The following KSR2 variants were observed in gnomAD, a reference collection of about 807,000 sequenced individuals.
KSR2 encodes the protein kinase suppressor of ras 2.
A neutral mutation model predicts 107.8 loss-of-function variants in KSR2; 25 were observed. The ratio of observed to expected loss-of-function variants is 0.23; its 90% CI spans 0.17 to 0.32. The LOEUF (loss-of-function observed/expected upper bound fraction) is 0.32, where lower values mean the gene tolerates loss of function less well. KSR2 is among the 10% of genes least tolerant of loss of function. The probability of loss-of-function intolerance (pLI) is 1.00; values close to 1 mark genes in which losing one functional copy is unlikely to be tolerated. For missense variants in KSR2, 887 were observed against 1,268.9 expected (o/e 0.70, Z 4.57); for synonymous variants, 480 against 507.0 (o/e 0.95, Z 0.71).
At chr12:117,595,525 C>T (rs573877073) in intron 5 of KSR2, among the ~76,000 whole-genome samples, 10 of 152,002 alleles carry the variant, frequency 6.6e-5, no homozygotes, top group Admixed American at 1.3e-4. Flanking sequence ...CCACCGCGCC[C>T]GGCTAATTTT....
At chr12:117,619,921 G>T (rs956762703) in intron 5 of KSR2, among the ~76,000 whole-genome samples, 2 of 151,966 alleles carry the variant, frequency 1.3e-5, no homozygotes, top group African/African-American at 4.8e-5. Flanking sequence ...TCCCCAAGAA[G>T]ACACTTTGCA....
intron 3 of KSR2, among the ~76,000 whole-genome samples, chr12:117,824,792 G>A (rs1326206088): frequency 2.0e-5 from 3 of 149,972 alleles, no homozygotes; most frequent in African/African-American, 4.9e-5. Context: ...GGGAGGCGGC[G>A]CTTGCAGTGA....
At chr12:117,941,447 T>C (rs1896002264) in intron 1 of KSR2, among the ~76,000 whole-genome samples, 1 of 152,130 alleles carries the variant, frequency 6.6e-6, no homozygotes, top group South Asian at 2.1e-4. Context: ...ACTCAAAGTG[T>C]ACATTTTTTT....
intron 9 of KSR2, among the ~76,000 whole-genome samples, chr12:117,546,750 T>A (rs1469715389): frequency 6.6e-6 from 1 of 152,248 alleles, no homozygotes; most frequent in Admixed American, 6.5e-5. Flanking sequence ...AACTTGTTAT[T>A]GAGTCCATCC....
Position 117,654,564 on chromosome 12 carries a change from G to A in KSR2, c.1171+12910C>T, listed in dbSNP as rs914021517. Among the ~76,000 whole-genome samples the A allele has an allele frequency of 6.6e-5, 10 of 152,192 alleles. No homozygotes were observed. In the East Asian group the frequency reaches 1.9e-3, roughly 29 times the overall value. ...CCCAGTGGGCAGAACTTCGAGCAGT[G>A]CACCTGGTTGTGGACTTTGCCTGGA... is the stretch of plus-strand genomic sequence containing the variant. On this transcript the variant is annotated intron_variant, in intron 5 of 19. Transcript: ENST00000339824.
At chr12:117,618,548 T>C (rs539361557) in intron 5 of KSR2, among the ~76,000 whole-genome samples, 1 of 152,266 alleles carries the variant, frequency 6.6e-6, no homozygotes, top group East Asian at 1.9e-4. Flanking sequence ...AATCTCATCT[T>C]GAATTGTAGC....
intron 6 of KSR2, among the ~76,000 whole-genome samples, chr12:117,580,457 C>A (rs1414262883): frequency 6.6e-6 from 1 of 152,170 alleles, no homozygotes; most frequent in Non-Finnish European, 1.5e-5. Context: ...GCTTCATAAG[C>A]AGTGGGTGAC....
At chr12:117,467,323 T>G in intron 19 of KSR2, 118 bp from the exon 20 acceptor site, 2 of 535,526 alleles carry the variant, frequency 3.7e-6, no homozygotes, top group South Asian at 5.8e-5. Context: ...TGTTCCTGTC[T>G]TCTGCAAGAA....
chr12:117,857,837 C>T lies in KSR2; in HGVS notation c.322-2259G>A, dbSNP rs138839992. 5.1e-3 allele frequency among the ~76,000 whole-genome samples: 770 copies of T among 152,278 alleles called. 6 individuals are homozygous for T. Among genetic ancestry groups the T allele is most frequent in the Non-Finnish European group, 7.9e-3 (538 of 68,026 alleles). The stretch of plus-strand genomic sequence containing the variant: ...GTTTTACTGTGGAGCTTTCTCCATA[C>T]TTCAGTCACTTCACAGAAAGGGGAC... On this transcript the variant is annotated intron_variant, in intron 2 of 19. Coordinates refer to ENST00000339824, the MANE Select transcript of KSR2 (RefSeq NM_173598.6).
intron 14 of KSR2, among the ~76,000 whole-genome samples, chr12:117,498,458 A>G (rs1421358632): frequency 6.6e-6 from 1 of 152,184 alleles, no homozygotes; most frequent in Non-Finnish European, 1.5e-5. Context: ...ATGCTTGTCC[A>G]CACTGGCCCA....
At chr12:117,789,834 G>A (rs186783273) in intron 3 of KSR2, among the ~76,000 whole-genome samples, 1 of 152,340 alleles carries the variant, frequency 6.6e-6, no homozygotes, top group Admixed American at 6.5e-5. Flanking sequence ...CCCCATCCCT[G>A]CTGAGTACAC....
chr12:117,553,579 C>G (rs1877456578), intron 9 of KSR2, among the ~76,000 whole-genome samples: 1 of 152,108 alleles, frequency 6.6e-6, no homozygotes, highest in Non-Finnish European at 1.5e-5. Flanking sequence ...CAGTGCCCTC[C>G]CGATCCTTGG....
chr12:117,967,784 G>T (rs534025978), intron 1 of KSR2, among the ~76,000 whole-genome samples: 1 of 152,000 alleles, frequency 6.6e-6, no homozygotes, highest in Non-Finnish European at 1.5e-5. Context: ...AATGACAACG[G>T]TAACAGCCGC....
chr12:117,511,977 C>T (rs1874051759), intron 14 of KSR2, among the ~76,000 whole-genome samples: 3 of 152,132 alleles, frequency 2.0e-5, no homozygotes, highest in African/African-American at 7.2e-5. Context: ...CCGATGACTC[C>T]GATAACTGAA....
intron 1 of KSR2, among the ~76,000 whole-genome samples, chr12:117,868,718 T>C (rs1333757132): frequency 6.6e-6 from 1 of 151,388 alleles, no homozygotes; most frequent in Non-Finnish European, 1.5e-5. Context: ...TTTTAATTTA[T>C]TTTAATTATT....
At chr12:117,513,570 C>A (rs1225948231) in intron 14 of KSR2, among the ~76,000 whole-genome samples, 1 of 152,240 alleles carries the variant, frequency 6.6e-6, no homozygotes, top group African/African-American at 2.4e-5. Flanking sequence ...GCCAACTCAA[C>A]AAGTCACAAG....
At chr12:117,952,085 T>A (rs1019931676) in intron 1 of KSR2, among the ~76,000 whole-genome samples, 5 of 152,030 alleles carry the variant, frequency 3.3e-5, no homozygotes, top group African/African-American at 1.2e-4. Context: ...ATATACAATG[T>A]GGTGACTATA....
At chr12:117,720,717 G>T (rs1887173665) in intron 4 of KSR2, among the ~76,000 whole-genome samples, 1 of 152,180 alleles carries the variant, frequency 6.6e-6, no homozygotes, top group African/African-American at 2.4e-5. Flanking sequence ...ATGAAAGAAA[G>T]AACAGGTCCC....
At chr12:117,947,178 G>GAAAGAAAGA (rs1236536061) in intron 1 of KSR2, among the ~76,000 whole-genome samples, 13 of 97,786 alleles carry the variant, frequency 1.3e-4, no homozygotes, top group Middle Eastern at 4.8e-3. Flanking sequence ...AAGAAAGAAA[G>GAAAGAAAGA]AAAGAAAGAA....
Sources: allele counts gnomAD v4.1 joint callset (sites outside exome capture counted in the v4.1 genomes callset), GRCh38; gene constraint gnomAD v4.1.1; transcripts MANE v1.5; gene names NCBI Gene and HGNC (gene_info 2026-07-23, HGNC 2026-07-21).